The following HYCC1 variants were observed in gnomAD, a reference collection of about 807,000 sequenced individuals.
The protein encoded by HYCC1 is hyccin PI4KA lipid kinase complex subunit 1, also known as hyccin.
chr7:22,955,306 T>C, the HYCC1 span, among the ~76,000 whole-genome samples: 2 of 150,136 alleles, frequency 1.3e-5, no homozygotes, highest in East Asian at 2.0e-4. Context: ...AATATACTTA[T>C]TTTGTAGCTA....
chr7:23,013,376 CA>C, the HYCC1 span, among the ~76,000 whole-genome samples: 82 of 152,372 alleles, frequency 5.4e-4, no homozygotes, highest in Middle Eastern at 6.8e-3. Context: ...CGCTGCTCTC[CA>C]GGGGGCGAGG....
chr7:22,922,397 G>T, the HYCC1 span, among the ~76,000 whole-genome samples: 5 of 152,132 alleles, frequency 3.3e-5, no homozygotes, highest in Non-Finnish European at 7.4e-5. Context: ...AATACATCCA[G>T]CCTACTATAT....
At chr7:22,960,406 C>T in the HYCC1 span, 1 of 1,612,294 alleles carries the variant, frequency 6.2e-7, no homozygotes, top group Non-Finnish European at 8.5e-7. Context: ...GCCTTTATTG[C>T]ATTAGCAACC....
At chr7:22,989,846 C>T in the HYCC1 span, among the ~76,000 whole-genome samples, 3 of 152,232 alleles carry the variant, frequency 2.0e-5, no homozygotes, top group Middle Eastern at 6.8e-3. Context: ...TAACAGGAAA[C>T]GGTGCTTTTC....
chr7:22,978,422 G>A, the HYCC1 span: 1 of 1,613,940 alleles, frequency 6.2e-7, no homozygotes, highest in Non-Finnish European at 8.5e-7. Context: ...AGAATTCAAA[G>A]AGCTGGTGAC....
the HYCC1 span, among the ~76,000 whole-genome samples, chr7:23,006,502 C>T: frequency 1.3e-5 from 2 of 152,048 alleles, no homozygotes; most frequent in Non-Finnish European, 2.9e-5. Flanking sequence ...CTCTTGACCT[C>T]GTGATCCACC....
chr7:22,977,110 A>C, the HYCC1 span, among the ~76,000 whole-genome samples: 1 of 151,506 alleles, frequency 6.6e-6, no homozygotes, highest in Admixed American at 6.6e-5. Context: ...AAGAGGGAAA[A>C]ATATTTCAAA....
At chr7:22,999,261 A>G in the HYCC1 span, among the ~76,000 whole-genome samples, 1 of 152,228 alleles carries the variant, frequency 6.6e-6, no homozygotes, top group African/African-American at 2.4e-5. Flanking sequence ...AAAAATCTAC[A>G]AGAGCAGTTA....
the HYCC1 span, among the ~76,000 whole-genome samples, chr7:22,982,078 A>G: frequency 6.6e-6 from 1 of 152,186 alleles, no homozygotes; most frequent in African/African-American, 2.4e-5. Flanking sequence ...GCTTCTCAAA[A>G]TAATAAATAA....
the HYCC1 span, among the ~76,000 whole-genome samples, chr7:22,918,107 T>G: frequency 6.6e-6 from 1 of 152,094 alleles, no homozygotes; most frequent in Non-Finnish European, 1.5e-5. Flanking sequence ...GCCTGGTATA[T>G]GACAATATAA....
the HYCC1 span, among the ~76,000 whole-genome samples, chr7:22,970,267 C>T: frequency 7.1e-6 from 1 of 140,350 alleles, no homozygotes; most frequent in African/African-American, 2.6e-5. Flanking sequence ...AAAACTAAAA[C>T]TGATGATTTT....
chr7:22,914,469 A>T, the HYCC1 span, among the ~76,000 whole-genome samples: 4 of 147,870 alleles, frequency 2.7e-5, no homozygotes, highest in Non-Finnish European at 6.0e-5. Context: ...AAACCTAAGC[A>T]TTTTTTTTTT....
At chr7:22,975,762 A>G in the HYCC1 span, among the ~76,000 whole-genome samples, 2 of 152,124 alleles carry the variant, frequency 1.3e-5, no homozygotes, top group South Asian at 4.1e-4. Flanking sequence ...TATCGCCCAG[A>G]CTGGAGTGCA....
At chr7:22,909,240 T>C in the HYCC1 span, among the ~76,000 whole-genome samples, 2 of 152,150 alleles carry the variant, frequency 1.3e-5, no homozygotes, top group Non-Finnish European at 2.9e-5. Context: ...AAGTGAGTTG[T>C]TGGAAGATTT....
chr7:22,949,224 T>C, the HYCC1 span, among the ~76,000 whole-genome samples: 43 of 152,208 alleles, frequency 2.8e-4, no homozygotes, highest in East Asian at 7.9e-3. Flanking sequence ...TATTATTCAA[T>C]TGTAATCTCA....
chr7:22,972,277 C>A, the HYCC1 span, among the ~76,000 whole-genome samples: 1 of 152,036 alleles, frequency 6.6e-6, no homozygotes, highest in African/African-American at 2.4e-5. Context: ...CCTTAATTGA[C>A]AGAAAACAAT....
the HYCC1 span, among the ~76,000 whole-genome samples, chr7:22,974,363 T>C: frequency 6.6e-6 from 1 of 152,346 alleles, no homozygotes; most frequent in East Asian, 1.9e-4. Flanking sequence ...CCAACACTTA[T>C]GTAAATAACC....
At chr7:22,966,436 C>T in the HYCC1 span, among the ~76,000 whole-genome samples, 6 of 152,176 alleles carry the variant, frequency 3.9e-5, no homozygotes, top group Non-Finnish European at 7.3e-5. Flanking sequence ...GGACTACAGG[C>T]CTGTGCCACC....
At chr7:23,003,620 G>A in the HYCC1 span, among the ~76,000 whole-genome samples, 1 of 152,146 alleles carries the variant, frequency 6.6e-6, no homozygotes, top group Non-Finnish European at 1.5e-5. Flanking sequence ...CATTCTAAGT[G>A]CTTTCCTTTT....
Sources: gnomAD v4.1 joint callset for allele counts (sites outside exome capture counted in the v4.1 genomes callset) on GRCh38, gnomAD v4.1.1 for gene constraint, MANE v1.5 for transcripts, NCBI Gene and HGNC (gene_info 2026-07-23, HGNC 2026-07-21) for gene names.